Variants in PRORP observed in about 807,000 individuals in gnomAD.
PRORP encodes protein only RNase P catalytic subunit.
Under a neutral mutation model 59.4 loss-of-function variants are expected in PRORP, and 51 were observed. That is an observed-to-expected ratio of 0.86 (90% CI 0.69 to 1.08). The LOEUF is 1.08. Among genes scored for constraint, PRORP ranks in the 50% least tolerant of loss-of-function variants. PRORP has a pLI of 0.00. For missense variants in PRORP, 646 were observed against 690.3 expected, an observed-to-expected ratio of 0.94 and a Z score of 0.72; for synonymous variants, 231 against 245.6, an observed-to-expected ratio of 0.94 and a Z score of 0.55.
At chr14:35,175,096 G>T (rs1010267021) in intron 4 of PRORP, among the ~76,000 whole-genome samples, 6 of 151,742 alleles carry the variant, frequency 4.0e-5, no homozygotes, top group African/African-American at 1.2e-4. Context: ...GGCTGCATAG[G>T]ATTCCATGGT....
chr14:35,258,654 G>A (rs1025437409), intron 5 of PRORP, among the ~76,000 whole-genome samples: 2 of 152,052 alleles, frequency 1.3e-5, no homozygotes, highest in African/African-American at 4.8e-5. Context: ...GGCAGGCAGG[G>A]TGTGGGGGCG....
upstream of PRORP, chr14:35,121,952 C>G (rs1450218433): frequency 1.2e-6 from 2 of 1,614,188 alleles, no homozygotes. Context: ...AACTTCTTTC[C>G]AGTCCATGGC....
intron 6 of PRORP, 48 bp downstream of exon 6, chr14:35,266,923 A>G (rs1200619805): frequency 5.6e-6 from 9 of 1,595,964 alleles, no homozygotes; most frequent in Admixed American, 1.7e-5. Flanking sequence ...GCAGACATCT[A>G]TCTGCTTGTT....
upstream of PRORP, chr14:35,122,119 A>C: frequency 1.5e-6 from 1 of 649,488 alleles, no homozygotes; most frequent in Non-Finnish European, 2.7e-6. Flanking sequence ...GGCAAAAACA[A>C]TTACTGTCAC....
intron 5 of PRORP, among the ~76,000 whole-genome samples, chr14:35,203,973 T>C (rs551177491): frequency 6.6e-6 from 1 of 152,370 alleles, no homozygotes; most frequent in African/African-American, 2.4e-5. Flanking sequence ...AGGTTATTTA[T>C]TGGATTGGTT....
chr14:35,231,339 C>G (rs2050075094), intron 5 of PRORP, among the ~76,000 whole-genome samples: 1 of 151,634 alleles, frequency 6.6e-6, no homozygotes, highest in Admixed American at 6.6e-5. Context: ...TGGGAAATTA[C>G]CAGTTTTTAT....
intron 4 of PRORP, among the ~76,000 whole-genome samples, chr14:35,172,453 CTTCT>C (rs1555324973): frequency 2.1e-5 from 1 of 46,708 alleles, no homozygotes; most frequent in Admixed American, 2.1e-4. Flanking sequence ...TCCTTCCTTC[CTTCT>C]TTCTTTCTTT....
At chr14:35,270,687 G>C (rs2051164307) in intron 7 of PRORP, 91 bp downstream of exon 7, 13 of 1,169,432 alleles carry the variant, frequency 1.1e-5, no homozygotes, top group Middle Eastern at 2.3e-4. Flanking sequence ...CTAATTGAAG[G>C]TTGCAAATGC....
chr14:35,251,840 C>G (rs946699791), intron 5 of PRORP, among the ~76,000 whole-genome samples: 2 of 152,122 alleles, frequency 1.3e-5, no homozygotes, highest in African/African-American at 2.4e-5. Flanking sequence ...AGGCATGAGC[C>G]ACCGCGCCTG....
At chr14:35,161,287 G>A (rs2415266) in intron 4 of PRORP, among the ~76,000 whole-genome samples, 5,716 of 152,210 alleles carry the variant, frequency 0.038, 344 homozygotes, top group African/African-American at 0.13. Context: ...ATAGCCCTTC[G>A]AAGTATGTGT....
At chr14:35,175,477 A>G (rs1391732700) in intron 4 of PRORP, among the ~76,000 whole-genome samples, 1 of 151,936 alleles carries the variant, frequency 6.6e-6, no homozygotes, top group Non-Finnish European at 1.5e-5. Flanking sequence ...TTTGATTTGC[A>G]TTTCTCTGAT....
At chr14:35,226,146 T>C (rs2049928585) in intron 5 of PRORP, among the ~76,000 whole-genome samples, 1 of 152,218 alleles carries the variant, frequency 6.6e-6, no homozygotes. Context: ...ATGATGTTTC[T>C]CAAATTAACT....
chr14:35,212,002 G>C (rs985806676), intron 5 of PRORP, among the ~76,000 whole-genome samples: 2 of 152,122 alleles, frequency 1.3e-5, no homozygotes, highest in African/African-American at 4.8e-5. Flanking sequence ...CATATCCTTT[G>C]TTATCATTTC....
At chr14:35,179,713 C>T (rs561513200) in intron 4 of PRORP, among the ~76,000 whole-genome samples, 13 of 152,192 alleles carry the variant, frequency 8.5e-5, no homozygotes, top group African/African-American at 1.7e-4. Context: ...GAAGTTTGAT[C>T]GTCTGAAGCC....
Position 35,214,982 on chromosome 14 carries a change from AT to A in PRORP, c.1275+34214del, listed in dbSNP as rs201453360. Among the ~76,000 whole-genome samples, 219 of 151,220 alleles carry A rather than the reference AT, an allele frequency of 1.4e-3. 4 individuals carry two copies. In the South Asian group the frequency reaches 0.029, roughly 20 times the overall value. ...CAGACTTTCTGAGGATTGGGAAAGCATTTTTTTTTAACCTTAAAATATTTAT... is the reference window on the plus strand; with the variant it reads ...CAGACTTTCTGAGGATTGGGAAAGCATTTTTTTTAACCTTAAAATATTTAT... On this transcript the variant is annotated intron_variant, in intron 5 of 7. Transcript: ENST00000534898.
At chr14:35,268,979 AC>A (rs1400411795) in intron 6 of PRORP, among the ~76,000 whole-genome samples, 2 of 152,208 alleles carry the variant, frequency 1.3e-5, no homozygotes, top group Non-Finnish European at 2.9e-5. Flanking sequence ...TTCCCAAACC[AC>A]ATCCCTTCTT....
intron 7 of PRORP, 136 bp downstream of exon 7, chr14:35,270,732 C>T: frequency 1.3e-6 from 1 of 794,086 alleles, no homozygotes; most frequent in South Asian, 1.9e-5. Context: ...GTATTTGGAA[C>T]TAGCCAGGTC....
intron 5 of PRORP, among the ~76,000 whole-genome samples, chr14:35,250,242 A>G (rs2050583213): frequency 6.6e-6 from 1 of 152,002 alleles, no homozygotes; most frequent in African/African-American, 2.4e-5. Context: ...AAAAAAAAAA[A>G]AGAAAAAAAA....
Position 35,180,674 on chromosome 14 carries a change from T to C in PRORP, c.1172T>C (p.Leu391Pro). 2 of 1,599,162 alleles carry C rather than the reference T, an allele frequency of 1.3e-6. No homozygotes were observed. Among genetic ancestry groups the C allele is most frequent in the Non-Finnish European group, 1.7e-6 (2 of 1,167,128 alleles). Reference sequence around the variant, plus strand: ...TGTCTGACATTTCTTTATTAGGAACTTAAGAGATTTGAGAACTTCATAAAA... The same window carrying C: ...TGTCTGACATTTCTTTATTAGGAACCTAAGAGATTTGAGAACTTCATAAAA... ...DQYRKTTPQE[L>P]KRFENFIKSR... The change falls in exon 5 of 8, where the codon CTT (leucine) becomes CCT (proline). Residue 391 changes from leucine (L) to proline (P), a missense_variant. Coordinates refer to ENST00000534898, the MANE Select transcript of PRORP (RefSeq NM_014672.4).
Sources: gnomAD v4.1 joint callset for allele counts (sites outside exome capture counted in the v4.1 genomes callset) on GRCh38, gnomAD v4.1.1 for gene constraint, MANE v1.5 for transcripts, NCBI Gene and HGNC (gene_info 2026-07-23, HGNC 2026-07-21) for gene names.